C14orf132: variants seen among roughly 807,000 people sequenced by gnomAD.
C14orf132 encodes chromosome 14 open reading frame 132.
In C14orf132, 6 loss-of-function variants were observed where a neutral mutation model predicts 5.8. The observed-to-expected ratio is 1.03, with a 90% CI of 0.57 to 2.04. The LOEUF (loss-of-function observed/expected upper bound fraction) is 2.04, where lower values mean the gene tolerates loss of function less well. Ranked by LOEUF, C14orf132 falls within the 30% of genes most tolerant of loss-of-function variation. The pLI is 0.00. For synonymous variants in C14orf132, 51 were observed against 49.8 expected (o/e 1.02, Z -0.10); for missense variants, 125 against 115.8 (o/e 1.08, Z -0.37).
At chr14:96,044,052 A>T (rs995318226) in intron 1 of C14orf132, among the ~76,000 whole-genome samples, 1 of 152,210 alleles carries the variant, frequency 6.6e-6, no homozygotes, top group South Asian at 2.1e-4. Flanking sequence ...ATGCAGGACC[A>T]TCCTTCCATG....
At chr14:96,040,204 C>T (rs188461043) in intron 1 of C14orf132, 2 of 351,870 alleles carry the variant, frequency 5.7e-6, no homozygotes, top group Non-Finnish European at 1.0e-5. Context: ...GAATTTTCCT[C>T]CGGCAGAATG....
chr14:96,051,109 A>T, intron 1 of C14orf132: 1 of 398,622 alleles, frequency 2.5e-6, no homozygotes. Context: ...AGTAACATAC[A>T]TACATACTCT....
Position 96,091,505 on chromosome 14 carries a change from G to A in C14orf132, c.*4770G>A, listed in dbSNP as rs1458970251. Reference sequence around the variant, plus strand: ...CGTTGTGCGTTCAGTGGGAAGCAAAGGGCTTGCCCGGGATTACCTGCCCCA... The same window carrying A: ...CGTTGTGCGTTCAGTGGGAAGCAAAAGGCTTGCCCGGGATTACCTGCCCCA... On this transcript the variant is annotated 3_prime_UTR_variant, in exon 2 of 2. Coordinates refer to ENST00000555004, the MANE Select transcript of C14orf132 (RefSeq NM_001252507.3). 1 of 160,200 alleles carries A rather than the reference G, an allele frequency of 6.2e-6. No homozygotes were observed. The highest frequency in any genetic ancestry group is 1.4e-5 in the Non-Finnish European group (1 of 73,160). The allele number at this position is 160,200 out of a possible 1,614,324, so 9.9% of individuals were successfully genotyped here.
intron 1 of C14orf132, among the ~76,000 whole-genome samples, chr14:96,048,955 C>T (rs538405211): frequency 1.3e-4 from 20 of 152,204 alleles, no homozygotes; most frequent in Non-Finnish European, 2.8e-4. Flanking sequence ...GATGGAGTCT[C>T]GCTCTGTCAT....
intron 1 of C14orf132, among the ~76,000 whole-genome samples, chr14:96,070,380 G>A (rs1245683459): frequency 6.6e-6 from 1 of 152,170 alleles, no homozygotes; most frequent in African/African-American, 2.4e-5. Context: ...TTCTGGAGAC[G>A]GTTACCTATC....
intron 1 of C14orf132, among the ~76,000 whole-genome samples, chr14:96,043,644 C>T (rs1886755006): frequency 6.6e-6 from 1 of 152,096 alleles, no homozygotes; most frequent in African/African-American, 2.4e-5. Flanking sequence ...CCTTGCATTC[C>T]CCAGCTGATC....
Position 96,091,700 on chromosome 14 carries a change from A to G in C14orf132, c.*4965A>G, listed in dbSNP as rs1595200071. On this transcript the variant is annotated 3_prime_UTR_variant, in exon 2 of 2. Coordinates refer to ENST00000555004, the MANE Select transcript of C14orf132 (RefSeq NM_001252507.3). ...GCCAAAGGGAACAGCCAGATCCTGA[A>G]TGTTCTATGTTCACCTGCCCCAGCC... 2.0e-5 allele frequency: 3 copies of G among 152,758 alleles called. No individual in the cohort carries two copies. The highest frequency in any genetic ancestry group is 7.2e-5 in the African/African-American group (3 of 41,548). 9.5% of individuals were successfully genotyped at this position (152,758 alleles called of 1,614,324 possible).
intron 1 of C14orf132, among the ~76,000 whole-genome samples, chr14:96,050,533 T>C (rs1886997210): frequency 6.6e-6 from 1 of 152,114 alleles, no homozygotes; most frequent in African/African-American, 2.4e-5. Flanking sequence ...TGCATTCATC[T>C]GTCCTTTGTT....
At chr14:96,059,204 G>C (rs1887271855) in intron 1 of C14orf132, among the ~76,000 whole-genome samples, 1 of 152,206 alleles carries the variant, frequency 6.6e-6, no homozygotes, top group African/African-American at 2.4e-5. Flanking sequence ...AGGATTGCTT[G>C]AGCCCAGGAG....
At chr14:96,058,218 G>T (rs962809082) in intron 1 of C14orf132, among the ~76,000 whole-genome samples, 3 of 151,990 alleles carry the variant, frequency 2.0e-5, no homozygotes. Flanking sequence ...CTCCTCACTC[G>T]GTCACTGTAC....
At chr14:96,049,476 G>GTA (rs1438683401) in intron 1 of C14orf132, among the ~76,000 whole-genome samples, 1 of 143,584 alleles carries the variant, frequency 7.0e-6, no homozygotes, top group Non-Finnish European at 1.5e-5. Flanking sequence ...ATATATATGT[G>GTA]TATATATATG....
intron 1 of C14orf132, among the ~76,000 whole-genome samples, chr14:96,062,420 A>G (rs186856307): frequency 6.6e-6 from 1 of 152,166 alleles, no homozygotes; most frequent in Admixed American, 6.5e-5. Context: ...GAAAGAAAAC[A>G]AAAAGGACCA....
chr14:96,041,450 A>G (rs775581702), intron 1 of C14orf132, among the ~76,000 whole-genome samples: 2 of 152,240 alleles, frequency 1.3e-5, no homozygotes, highest in Non-Finnish European at 2.9e-5. Flanking sequence ...ATCCTGAGAA[A>G]GATACGATGT....
At position 96,076,063 on chromosome 14, in the gene C14orf132, T is replaced by C. The variant is rs530583214; in HGVS notation, c.28-10448T>C. ...CATTTGGTGATTTTTTCCCAGAAGA[T>C]TTTTAACCAAAAATTTAACTTATTT... On this transcript the variant is annotated intron_variant, in intron 1 of 1. Coordinates refer to ENST00000555004, the MANE Select transcript of C14orf132 (RefSeq NM_001252507.3). Among the ~76,000 whole-genome samples the C allele has an allele frequency of 4.6e-5, 7 of 152,316 alleles. No homozygotes were observed. The South Asian group carries it at 1.2e-3, about 27-fold the overall frequency.
Position 96,086,690 on chromosome 14 carries a change from G to C in C14orf132, c.207G>C (p.Leu69=). The C allele has an allele frequency of 6.5e-7, 1 of 1,536,150 alleles. No individual in the cohort carries two copies. Residue 69 remains leucine, a synonymous_variant, in exon 2 of 2, where the codon CTG becomes CTC. Transcript: ENST00000555004. ...VLLWIAIIAT[L]GNIVVVGVVY... is the part of the protein sequence containing the mutation. ...TATGGATTGCCATCATAGCTACGCTGGGGAACATCGTGGTGGTGGGCGTGG... is the reference window on the plus strand; with the variant it reads ...TATGGATTGCCATCATAGCTACGCTCGGGAACATCGTGGTGGTGGGCGTGG...
Position 96,039,461 on chromosome 14 carries a change from C to T in C14orf132, c.-40C>T, listed in dbSNP as rs1172289043. 1.3e-6 allele frequency: 2 copies of T among 1,484,678 alleles called. No homozygotes were observed. The highest frequency in any genetic ancestry group is 2.9e-5 in the African/African-American group (2 of 69,304). 92.0% of individuals were successfully genotyped at this position (1,484,678 alleles called of 1,614,324 possible). A position where few individuals can be genotyped will look rare whatever the true frequency, so the allele number is the denominator to read the frequency against. ...GCAGGCGGCTGACCCGCAGCGGCAG[C>T]GGCAGCAGCGAGGACTCGAGCGCTG... On this transcript the variant is annotated 5_prime_UTR_variant, in exon 1 of 2. Transcript: ENST00000555004. The surrounding 1 kb of genome is among the most constrained non-coding windows in gnomAD (Gnocchi z 5.3).
chr14:96,086,549 C>G lies in C14orf132; in HGVS notation c.66C>G (p.Asn22Lys), dbSNP rs761816827. 17 of 1,536,104 alleles carry G rather than the reference C, an allele frequency of 1.1e-5. No individual in the cohort carries two copies. The highest frequency in any genetic ancestry group is 1.5e-5 in the Non-Finnish European group (17 of 1,146,900). Residue 22 changes from asparagine (N) to lysine (K), a missense_variant, in exon 2 of 2, where the codon AAC (asparagine) becomes AAG (lysine). Coordinates refer to ENST00000555004, the MANE Select transcript of C14orf132 (RefSeq NM_001252507.3). Reference protein sequence around the residue: ...MMGGAFMDSPNEDFSTEYSLF... With the variant: ...MMGGAFMDSPKEDFSTEYSLF... ...GGGGAGCTTTCATGGACTCGCCCAA[C>G]GAGGACTTCAGCACCGAGTACTCCC...
intron 1 of C14orf132, among the ~76,000 whole-genome samples, chr14:96,049,561 CGTATATATACATAT>C (rs1438058698): frequency 1.0e-5 from 1 of 96,458 alleles, no homozygotes; most frequent in South Asian, 3.1e-4. Context: ...TACATATATA[CGTATATATACATAT>C]ATACGTATAT....
Position 96,087,834 on chromosome 14 carries a change from T to C in C14orf132, c.*1099T>C, listed in dbSNP as rs542601152. The C allele has an allele frequency of 6.6e-6, 1 of 152,182 alleles. No homozygotes were observed. Among genetic ancestry groups the C allele is most frequent in the African/African-American group, 2.4e-5 (1 of 41,430 alleles). 9.4% of individuals were successfully genotyped at this position (152,182 alleles called of 1,614,324 possible). A position where few individuals can be genotyped will look rare whatever the true frequency, so the allele number is the denominator to read the frequency against. On this transcript the variant is annotated 3_prime_UTR_variant, in exon 2 of 2. Coordinates refer to ENST00000555004, the MANE Select transcript of C14orf132 (RefSeq NM_001252507.3). ...TTCTGCCCAAGCCACTTCCTTAAAT[T>C]CTGAAATATCAGCATCTGGGGTCCT...
Sources: allele counts gnomAD v4.1 joint callset (sites outside exome capture counted in the v4.1 genomes callset), GRCh38; gene constraint gnomAD v4.1.1; non-coding constraint Gnocchi (gnomAD v3.1); transcripts MANE v1.5; gene names NCBI Gene and HGNC (gene_info 2026-07-23, HGNC 2026-07-21).